The following PODXL2 variants were observed in gnomAD, a reference collection of about 807,000 sequenced individuals.
PODXL2 encodes podocalyxin like 2, also known as podocalyxin-like protein 2.
PODXL2 carries 17 observed loss-of-function variants against 53.4 expected under a neutral mutation model. The observed-to-expected ratio is 0.32, with a 90% CI of 0.22 to 0.48. The LOEUF (loss-of-function observed/expected upper bound fraction) is 0.48, where lower values mean the gene tolerates loss of function less well. Ranked by LOEUF, PODXL2 falls within the 20% of genes least tolerant of loss-of-function variation. The pLI, the probability that PODXL2 is intolerant of heterozygous loss-of-function variation, is 0.99. For synonymous variants in PODXL2, 311 were observed against 306.7 expected (o/e 1.01, Z -0.15); for missense variants, 673 against 760.0 (o/e 0.89, Z 1.35).
chr3:127,661,285 T>C (rs939702560), intron 3 of PODXL2, 126 bp downstream of exon 3: 4 of 678,470 alleles, frequency 5.9e-6, no homozygotes, highest in Admixed American at 2.8e-5. Flanking sequence ...CCACAGCACG[T>C]AGAACCCCAT....
At chr3:127,665,990 C>T (rs2074793373) in intron 4 of PODXL2, 3 of 454,654 alleles carry the variant, frequency 6.6e-6, no homozygotes, top group Non-Finnish European at 1.3e-5. Context: ...GCTTCTAGGC[C>T]CTTCTAGAAG....
intron 2 of PODXL2, among the ~76,000 whole-genome samples, chr3:127,655,049 T>C (rs552886766): frequency 1.4e-3 from 212 of 152,212 alleles, no homozygotes; most frequent in Non-Finnish European, 2.3e-3. Context: ...TTCAAGCGAC[T>C]CTCATGCCTC....
chr3:127,672,559 C>A lies in PODXL2; in HGVS notation c.*79C>A, dbSNP rs552031636. Reference sequence around the variant, plus strand: ...CGAAACGGACGGCCCGGAGCCCGCACCAGCCCCGCGCCTACCCGGGCCGCC... The same window carrying A: ...CGAAACGGACGGCCCGGAGCCCGCAACAGCCCCGCGCCTACCCGGGCCGCC... On this transcript the variant is annotated 3_prime_UTR_variant, in exon 8 of 8. Coordinates refer to ENST00000342480, the MANE Select transcript of PODXL2 (RefSeq NM_015720.4). 8.6e-5 allele frequency: 83 copies of A among 970,526 alleles called. No individual in the cohort carries two copies. In the African/African-American group the frequency reaches 1.3e-3, roughly 15 times the overall value. The allele number at this position is 970,526 out of a possible 1,614,324, so 60.1% of individuals were successfully genotyped here.
At chr3:127,646,504 C>T (rs2074657799) in intron 2 of PODXL2, among the ~76,000 whole-genome samples, 1 of 152,050 alleles carries the variant, frequency 6.6e-6, no homozygotes, top group African/African-American at 2.4e-5. Flanking sequence ...TCTCCTGCCT[C>T]AGCCTCCCAA....
Position 127,654,825 on chromosome 3 carries a change from G to A in PODXL2, c.350-5553G>A, listed in dbSNP as rs183193093. The stretch of plus-strand genomic sequence containing the variant: ...CGGATGGCCAGGTGCGGTGGCTTAC[G>A]CCTATAATCCCAGCACTTTGGAGGG... On this transcript the variant is annotated intron_variant, in intron 2 of 7. Coordinates refer to ENST00000342480, the MANE Select transcript of PODXL2 (RefSeq NM_015720.4). 3.6e-3 allele frequency among the ~76,000 whole-genome samples: 552 copies of A among 152,200 alleles called. 8 individuals are homozygous for A. The highest frequency in any genetic ancestry group is 0.025 in the South Asian group (121 of 4,820).
At chr3:127,640,923 AT>A (rs1275125305) in intron 2 of PODXL2, among the ~76,000 whole-genome samples, 1 of 151,962 alleles carries the variant, frequency 6.6e-6, no homozygotes. Flanking sequence ...TTATTTATTT[AT>A]TTTTTTGAGA....
intron 6 of PODXL2, among the ~76,000 whole-genome samples, chr3:127,671,179 G>A (rs2074832291): frequency 6.6e-6 from 1 of 152,176 alleles, no homozygotes; most frequent in Non-Finnish European, 1.5e-5. Flanking sequence ...TCAGCGGCTG[G>A]GGCAGAAGCT....
chr3:127,653,263 C>T (rs2074700572), intron 2 of PODXL2, among the ~76,000 whole-genome samples: 2 of 152,214 alleles, frequency 1.3e-5, no homozygotes, highest in Admixed American at 6.5e-5. Context: ...CAGGGCTCTG[C>T]GCTCTCAGCC....
intron 2 of PODXL2, among the ~76,000 whole-genome samples, chr3:127,655,611 A>G (rs912799488): frequency 2.0e-5 from 3 of 152,210 alleles, no homozygotes; most frequent in Non-Finnish European, 4.4e-5. Flanking sequence ...CAGCATGTCC[A>G]AGATCATACA....
chr3:127,669,138 C>A lies in PODXL2; in HGVS notation c.1364-3C>A. 1 of 1,601,736 alleles carries A rather than the reference C, an allele frequency of 6.2e-7. No homozygotes were observed. Among genetic ancestry groups the A allele is most frequent in the Non-Finnish European group, 8.5e-7 (1 of 1,173,888 alleles). On this transcript the variant is annotated splice_polypyrimidine_tract_variant and splice_region_variant and intron_variant, in intron 5 of 7. Coordinates refer to ENST00000342480, the MANE Select transcript of PODXL2 (RefSeq NM_015720.4). ...ACTGATAGTGGTGTTTCTTACCCCC[C>A]AGGGGTGGTGCCCACTCAAGATGTC...
At chr3:127,666,982 G>A (rs1160665919) in intron 4 of PODXL2, among the ~76,000 whole-genome samples, 4 of 152,234 alleles carry the variant, frequency 2.6e-5, no homozygotes, top group African/African-American at 9.6e-5. Context: ...GGGTCATGGT[G>A]CATGGACCCT....
In PODXL2 at chr3:127,639,408, C is replaced by T. The variant is rs1244895521; in HGVS notation, c.234C>T (p.Gly78=). 3 of 1,614,138 alleles carry T rather than the reference C, an allele frequency of 1.9e-6. No homozygotes were observed. The Admixed American group carries it at 5.0e-5, about 27-fold the overall frequency. The change falls in exon 2 of 8, where the codon GGC becomes GGT. Residue 78 remains glycine (G), a synonymous_variant. Coordinates refer to ENST00000342480, the MANE Select transcript of PODXL2 (RefSeq NM_015720.4). ...MGLGAGLGAP[G]SGFPSEENEE... ...TGGGAGCTGGGCTGGGAGCCCCTGG[C>T]TCAGGCTTCCCCAGCGAAGAGAATG...
chr3:127,666,614 G>T (rs1336199113), intron 4 of PODXL2, among the ~76,000 whole-genome samples: 1 of 152,144 alleles, frequency 6.6e-6, no homozygotes, highest in African/African-American at 2.4e-5. Flanking sequence ...TTGCCGTGTT[G>T]TCTGTGCAGG....
At chr3:127,631,001 C>T (rs2074541795) in intron 1 of PODXL2, among the ~76,000 whole-genome samples, 1 of 152,202 alleles carries the variant, frequency 6.6e-6, no homozygotes, top group African/African-American at 2.4e-5. Context: ...CCTCCCGGCT[C>T]CTCTCTCCCG....
chr3:127,657,832 A>G (rs1003405889), intron 2 of PODXL2, among the ~76,000 whole-genome samples: 2 of 152,208 alleles, frequency 1.3e-5, no homozygotes, highest in South Asian at 2.1e-4. Flanking sequence ...TGGCTATTAT[A>G]AAGTTCTTAC....
chr3:127,671,648 T>G (rs1559880888), intron 7 of PODXL2, 35 bp downstream of exon 7: 1 of 1,597,460 alleles, frequency 6.3e-7, no homozygotes, highest in African/African-American at 1.3e-5. Context: ...GGGGGCCAGT[T>G]GAGAGGAGAG....
chr3:127,653,665 AG>A lies in PODXL2; in HGVS notation c.350-6712del, dbSNP rs769522085. On this transcript the variant is annotated intron_variant, in intron 2 of 7. Transcript: ENST00000342480. ...CATCTCAAAAAAGAAAAAAAAAAAA[AG>A]AGAGAAAGTGTCTCTCACATGTGCA... 5.4e-3 allele frequency among the ~76,000 whole-genome samples: 614 copies of A among 114,254 alleles called. 6 individuals are homozygous for A. The highest frequency in any genetic ancestry group is 0.015 in the African/African-American group (581 of 38,628). 75.0% of individuals were successfully genotyped at this position (114,254 alleles called of 152,430 possible).
chr3:127,637,119 C>T (rs763394967), intron 1 of PODXL2, among the ~76,000 whole-genome samples: 56 of 152,282 alleles, frequency 3.7e-4, no homozygotes, highest in Non-Finnish European at 7.2e-4. Context: ...CCACCACACC[C>T]AGCCCCATCC....
chr3:127,647,575 G>A (rs1040994989), intron 2 of PODXL2, among the ~76,000 whole-genome samples: 5 of 152,188 alleles, frequency 3.3e-5, no homozygotes, highest in African/African-American at 1.2e-4. Flanking sequence ...GCTGAAGAAC[G>A]GGGGTCCAGG....
Sources: gnomAD v4.1 joint callset for allele counts (sites outside exome capture counted in the v4.1 genomes callset) on GRCh38, gnomAD v4.1.1 for gene constraint, MANE v1.5 for transcripts, NCBI Gene and HGNC (gene_info 2026-07-23, HGNC 2026-07-21) for gene names.